MAP2K5: variants seen among roughly 807,000 people sequenced by gnomAD.
MAP2K5 encodes the protein mitogen-activated protein kinase kinase 5.
MAP2K5 carries 49 observed loss-of-function variants against 83.1 expected under a neutral mutation model. That is an observed-to-expected ratio of 0.59 (90% CI 0.47 to 0.75). The LOEUF is 0.75. Among genes scored for constraint, MAP2K5 ranks in the 30% least tolerant of loss-of-function variants. The probability of loss-of-function intolerance (pLI) is 0.00; values close to 1 mark genes in which losing one functional copy is unlikely to be tolerated. For synonymous variants in MAP2K5, 202 were observed against 191.8 expected, an observed-to-expected ratio of 1.05 and a Z score of -0.44; for missense variants, 457 against 557.5, an observed-to-expected ratio of 0.82 and a Z score of 1.82.
Position 67,747,676 on chromosome 15 carries a change from G to A in MAP2K5, c.1075-555G>A, listed in dbSNP as rs2089633035. Among the ~76,000 whole-genome samples, 1 of 152,170 alleles carries A rather than the reference G, an allele frequency of 6.6e-6. No individual in the cohort carries two copies. The highest frequency in any genetic ancestry group is 2.4e-5 in the African/African-American group (1 of 41,442). ...AGAGAGCATTGCTGCCCTGGAAACA[G>A]GCAGAAGGAACTTTGGAAAAGGTGG... is the stretch of plus-strand genomic sequence containing the variant. On this transcript the variant is annotated intron_variant, in intron 17 of 21. Coordinates refer to ENST00000178640, the MANE Select transcript of MAP2K5 (RefSeq NM_145160.3). The surrounding 1 kb of genome is among the most constrained non-coding windows in gnomAD (Gnocchi z 4.1).
intron 12 of MAP2K5, among the ~76,000 whole-genome samples, chr15:67,660,793 TAGTC>T (rs1182049450): frequency 6.6e-6 from 1 of 151,610 alleles, no homozygotes; most frequent in African/African-American, 2.4e-5. Context: ...ATCATCTAAT[TAGTC>T]AGTACAAATT....
At chr15:67,741,137 G>A (rs2089483602) in intron 17 of MAP2K5, among the ~76,000 whole-genome samples, 1 of 151,944 alleles carries the variant, frequency 6.6e-6, no homozygotes, top group African/African-American at 2.4e-5. Flanking sequence ...TCCGAGGTCT[G>A]TGTTCAGGTG....
At chr15:67,762,475 A>T (rs1298680858) in intron 19 of MAP2K5, among the ~76,000 whole-genome samples, 2 of 151,712 alleles carry the variant, frequency 1.3e-5, no homozygotes, top group African/African-American at 4.8e-5. Flanking sequence ...TTCTCCACTC[A>T]CCTATTTTCA....
At chr15:67,739,620 G>A (rs1226669268) in intron 17 of MAP2K5, among the ~76,000 whole-genome samples, 2 of 150,468 alleles carry the variant, frequency 1.3e-5, no homozygotes, top group Admixed American at 6.6e-5. Flanking sequence ...AGCTGGGATT[G>A]CAGGCATGTG....
intron 3 of MAP2K5, among the ~76,000 whole-genome samples, chr15:67,564,096 C>T (rs1459874621): frequency 6.6e-6 from 1 of 152,198 alleles, no homozygotes; most frequent in Non-Finnish European, 1.5e-5. Flanking sequence ...GTTTACAAAA[C>T]CTTTTCCCGT....
chr15:67,549,068 GCGGCTTTGTCAGC>G, intron 1 of MAP2K5: 1 of 1,526,064 alleles, frequency 6.6e-7, no homozygotes, highest in Non-Finnish European at 8.8e-7. Context: ...AATACTGCGA[GCGGCTTTGTCAGC>G]CGGCTGCCTG....
In MAP2K5 at chr15:67,790,682, TTCTC is replaced by T. The variant is rs1264692260; in HGVS notation, c.1243-15962_1243-15959del. 5.9e-5 allele frequency among the ~76,000 whole-genome samples: 9 copies of T among 152,012 alleles called. No homozygotes were observed. The highest frequency in any genetic ancestry group is 1.9e-4 in the African/African-American group (8 of 41,366). Reference sequence around the variant, plus strand: ...TTAAGATGTGGAGAGCAGCCTTTAATTCTCTACTGCAGCTGTCAGGAGAGCCAGT... The same window carrying T: ...TTAAGATGTGGAGAGCAGCCTTTAATTACTGCAGCTGTCAGGAGAGCCAGT... On this transcript the variant is annotated intron_variant, in intron 21 of 21. Transcript: ENST00000178640. The surrounding 1 kb of genome is among the most constrained non-coding windows in gnomAD (Gnocchi z 4.6).
intron 3 of MAP2K5, among the ~76,000 whole-genome samples, chr15:67,578,066 G>A (rs1365535563): frequency 2.0e-5 from 3 of 152,166 alleles, no homozygotes; most frequent in African/African-American, 7.2e-5. Context: ...TTTCCCATGT[G>A]AGCCTCACAG....
At position 67,630,916 on chromosome 15, in the gene MAP2K5, T is replaced by G. The variant is rs768324135; in HGVS notation, c.574T>G (p.Leu192Val). The G allele has an allele frequency of 6.2e-7, 1 of 1,609,652 alleles. No homozygotes were observed. Among genetic ancestry groups the G allele is most frequent in the East Asian group, 2.2e-5 (1 of 44,816 alleles). Residue 192 changes from leucine (L) to valine (V), a missense_variant, in exon 9 of 22, where the codon TTA becomes GTA. Leu to Val is a conservative substitution (Grantham distance 32). This residue lies in a region of MAP2K5 where 234 missense variants were observed against 243.6 expected (regional missense o/e 0.96). Transcript: ENST00000178640. Reference protein sequence around the residue: ...KAYHVPSGKILAVKVILLDIT... With the variant: ...KAYHVPSGKIVAVKVILLDIT... ...ATATCATGTCCCGAGTGGGAAAATA[T>G]TAGCTGTAAAGGTAAGTACTGGATA...
Position 67,563,431 on chromosome 15 carries a change from A to G in MAP2K5, c.252+81A>G, listed in dbSNP as rs2084778596. On this transcript the variant is annotated intron_variant, in intron 3 of 21. Coordinates refer to ENST00000178640, the MANE Select transcript of MAP2K5 (RefSeq NM_145160.3). The surrounding 1 kb of genome is among the most constrained non-coding windows in gnomAD (Gnocchi z 4.5). The stretch of plus-strand genomic sequence containing the variant: ...CTGTTTCTTGGGCATAGTGAAGACG[A>G]GTAAATAAATCACAGTTGTCATACA... The G allele has an allele frequency of 6.7e-7, 1 of 1,497,962 alleles. No homozygotes were observed. Among genetic ancestry groups the G allele is most frequent in the Non-Finnish European group, 8.9e-7 (1 of 1,120,090 alleles). 92.8% of individuals were successfully genotyped at this position (1,497,962 alleles called of 1,614,324 possible). A position where few individuals can be genotyped will look rare whatever the true frequency, so the allele number is the denominator to read the frequency against.
At chr15:67,707,763 A>G (rs2088591591) in intron 16 of MAP2K5, among the ~76,000 whole-genome samples, 2 of 152,342 alleles carry the variant, frequency 1.3e-5, no homozygotes, top group Admixed American at 6.5e-5. Context: ...ACTAGGAGAA[A>G]GAGGGAAAAG....
rs576881274 is a variant in MAP2K5 at position 67,708,518 on chromosome 15, G to A, written c.1044+5110G>A. ...CCTCCCACTTTTTTTTTCTAGAGAC[G>A]TGGTCTTGATATGTTGCCCAGTGTT... On this transcript the variant is annotated intron_variant, in intron 16 of 21. Transcript: ENST00000178640. This position sits in a 1 kb window ranked among gnomAD's most constrained non-coding sequence, Gnocchi z 4.9. Among the ~76,000 whole-genome samples, 13 of 151,920 alleles carry A rather than the reference G, an allele frequency of 8.6e-5. No individual in the cohort carries two copies. The highest frequency in any genetic ancestry group is 1.5e-4 in the Non-Finnish European group (10 of 67,926).
Position 67,747,910 on chromosome 15 carries a change from A to G in MAP2K5, c.1075-321A>G, listed in dbSNP as rs2089638373. Among the ~76,000 whole-genome samples the G allele has an allele frequency of 6.6e-6, 1 of 152,254 alleles. No individual in the cohort carries two copies. The highest frequency in any genetic ancestry group is 2.1e-4 in the South Asian group (1 of 4,836). ...TAGCAATGATTGCAACATTAAGCCC[A>G]GTGTTCACAATCTAGCAATATAAAA... On this transcript the variant is annotated intron_variant, in intron 17 of 21. Transcript: ENST00000178640. The surrounding 1 kb of genome is among the most constrained non-coding windows in gnomAD (Gnocchi z 4.1).
intron 17 of MAP2K5, among the ~76,000 whole-genome samples, chr15:67,730,108 G>A (rs758183100): frequency 4.6e-5 from 7 of 152,260 alleles, no homozygotes; most frequent in South Asian, 4.1e-4. Context: ...GTTGGGGTGC[G>A]TCGTTGCTAG....
At chr15:67,691,228 AGTC>A (rs2088106974) in intron 13 of MAP2K5, among the ~76,000 whole-genome samples, 1 of 152,244 alleles carries the variant, frequency 6.6e-6, no homozygotes, top group Non-Finnish European at 1.5e-5. Context: ...GGAGTACAGT[AGTC>A]AAGAAAAGAG....
At chr15:67,582,168 T>C (rs2085193297) in intron 4 of MAP2K5, among the ~76,000 whole-genome samples, 1 of 151,722 alleles carries the variant, frequency 6.6e-6, no homozygotes, top group Non-Finnish European at 1.5e-5. Flanking sequence ...TTCAAGTGAT[T>C]CTCCTGCCTC....
At chr15:67,771,653 T>G (rs1033255241) in intron 20 of MAP2K5, among the ~76,000 whole-genome samples, 1 of 152,128 alleles carries the variant, frequency 6.6e-6, no homozygotes, top group Non-Finnish European at 1.5e-5. Flanking sequence ...ATGGATGCAG[T>G]GTTTGAGAGG....
At chr15:67,692,116 C>A (rs1191220116) in intron 13 of MAP2K5, among the ~76,000 whole-genome samples, 1 of 152,116 alleles carries the variant, frequency 6.6e-6, no homozygotes, top group Admixed American at 6.6e-5. Flanking sequence ...AAAACTCATC[C>A]TTTTTGTGCA....
At chr15:67,557,086 T>C (rs559728240) in intron 2 of MAP2K5, among the ~76,000 whole-genome samples, 291 of 152,342 alleles carry the variant, frequency 1.9e-3, no homozygotes, top group African/African-American at 6.8e-3. Flanking sequence ...GACATTCATA[T>C]AGGCCCAGAG....
Sources: gnomAD v4.1 joint callset for allele counts (sites outside exome capture counted in the v4.1 genomes callset) on GRCh38, gnomAD v4.1.1 for gene constraint, gnomAD v4.1.1 regional missense constraint, Gnocchi (gnomAD v3.1) non-coding constraint, MANE v1.5 for transcripts, NCBI Gene and HGNC (gene_info 2026-07-23, HGNC 2026-07-21) for gene names.